The following LGSN variants were observed in gnomAD, a reference collection of about 807,000 sequenced individuals.
LGSN encodes lengsin, lens protein with glutamine synthetase domain, also known as lengsin.
LGSN carries 21 observed loss-of-function variants against 19.5 expected under a neutral mutation model. The observed-to-expected ratio is 1.07, with a 90% CI of 0.76 to 1.55. LGSN has a LOEUF of 1.55. LGSN is among the 40% of genes most tolerant of loss of function. The pLI is 0.00. For synonymous variants in LGSN, 257 were observed against 215.6 expected (o/e 1.19, Z -1.68); for missense variants, 673 against 608.5 (o/e 1.11, Z -1.12).
chr6:63,295,223 C>T (rs868445432), intron 1 of LGSN, among the ~76,000 whole-genome samples, 178 bp from the exon 2 acceptor site: 1 of 152,128 alleles, frequency 6.6e-6, no homozygotes, highest in Non-Finnish European at 1.5e-5. Context: ...AAAAGCCCAG[C>T]GTTGTGCTGA....
the LGSN span, among the ~76,000 whole-genome samples, chr6:63,389,866 C>G: frequency 6.6e-6 from 1 of 151,874 alleles, no homozygotes; most frequent in African/African-American, 2.4e-5. Flanking sequence ...AGTCATTGTG[C>G]TCCAGACATT....
the LGSN span, among the ~76,000 whole-genome samples, chr6:63,507,535 C>G: frequency 0.54 from 81,398 of 151,868 alleles, 23,630 homozygotes; most frequent in African/African-American, 0.77. Flanking sequence ...GCATAGTCAC[C>G]TGGTGTTCCA....
chr6:63,299,720 G>C (rs1000975492), intron 1 of LGSN, among the ~76,000 whole-genome samples: 1 of 152,136 alleles, frequency 6.6e-6, no homozygotes, highest in African/African-American at 2.4e-5. Context: ...ATGTGTATCA[G>C]ATATTTCTTT....
the LGSN span, among the ~76,000 whole-genome samples, chr6:63,509,485 T>G: frequency 6.6e-6 from 1 of 152,176 alleles, no homozygotes; most frequent in Non-Finnish European, 1.5e-5. Context: ...GGTGTGCGCA[T>G]GTTGTATATT....
At chr6:63,464,892 G>A in the LGSN span, among the ~76,000 whole-genome samples, 1 of 151,738 alleles carries the variant, frequency 6.6e-6, no homozygotes, top group Non-Finnish European at 1.5e-5. Flanking sequence ...TAGGCATGGT[G>A]GTGGGTGCCT....
chr6:63,383,467 C>T, the LGSN span, among the ~76,000 whole-genome samples: 2 of 151,870 alleles, frequency 1.3e-5, no homozygotes, highest in Non-Finnish European at 2.9e-5. Flanking sequence ...GATAAGAATA[C>T]ACCAGAACAG....
chr6:63,296,837 C>T (rs997627240), intron 1 of LGSN, among the ~76,000 whole-genome samples: 1 of 152,060 alleles, frequency 6.6e-6, no homozygotes, highest in African/African-American at 2.4e-5. Context: ...TAACTTGCCC[C>T]AGGCCACAAG....
chr6:63,351,341 A>G, the LGSN span, among the ~76,000 whole-genome samples: 6 of 152,042 alleles, frequency 3.9e-5, no homozygotes, highest in Non-Finnish European at 8.8e-5. Context: ...AAAAGGAAGG[A>G]AAAAAAGCAG....
At chr6:63,543,241 A>G in the LGSN span, among the ~76,000 whole-genome samples, 1 of 152,148 alleles carries the variant, frequency 6.6e-6, no homozygotes, top group South Asian at 2.1e-4. Flanking sequence ...ATCCCAGGAA[A>G]CCCCTCAGTC....
chr6:63,448,201 A>G, the LGSN span, among the ~76,000 whole-genome samples: 15 of 152,330 alleles, frequency 9.8e-5, no homozygotes, highest in East Asian at 1.9e-3. Context: ...CTATCTCACT[A>G]TGTTATTTTA....
chr6:63,406,016 G>T, the LGSN span, among the ~76,000 whole-genome samples: 1 of 152,158 alleles, frequency 6.6e-6, no homozygotes, highest in Non-Finnish European at 1.5e-5. Flanking sequence ...GGAGCACCCA[G>T]ATTCATAAAG....
the LGSN span, among the ~76,000 whole-genome samples, chr6:63,470,933 C>CTTTTTTTT: frequency 1.2e-4 from 9 of 73,062 alleles, no homozygotes; most frequent in South Asian, 6.3e-4. Flanking sequence ...TTCAGTCTTT[C>CTTTTTTTT]TTTTTTTTTT....
At chr6:63,551,551 T>C in the LGSN span, among the ~76,000 whole-genome samples, 2 of 152,236 alleles carry the variant, frequency 1.3e-5, no homozygotes, top group African/African-American at 4.8e-5. Context: ...TTTTTTTTAA[T>C]TATACTTTAA....
At chr6:63,329,621 C>T in the LGSN span, among the ~76,000 whole-genome samples, 2 of 152,130 alleles carry the variant, frequency 1.3e-5, no homozygotes, top group Non-Finnish European at 2.9e-5. Context: ...ATCTTTTAAC[C>T]TGATTTGGAC....
chr6:63,337,087 C>T, the LGSN span, among the ~76,000 whole-genome samples: 1 of 151,544 alleles, frequency 6.6e-6, no homozygotes, highest in African/African-American at 2.4e-5. Flanking sequence ...CCATGCCTGG[C>T]TAATTTTTTG....
the LGSN span, among the ~76,000 whole-genome samples, chr6:63,562,774 T>C: frequency 6.6e-6 from 1 of 152,256 alleles, no homozygotes; most frequent in Non-Finnish European, 1.5e-5. Context: ...TGCTATATTC[T>C]CAAAACCCTC....
the LGSN span, among the ~76,000 whole-genome samples, chr6:63,475,599 T>A: frequency 3.3e-5 from 5 of 152,200 alleles, no homozygotes; most frequent in Admixed American, 6.5e-5. Context: ...GTATTCGAAA[T>A]AAGGCTTGAA....
At chr6:63,318,989 A>C (rs1265107989) in intron 1 of LGSN, among the ~76,000 whole-genome samples, 1 of 152,202 alleles carries the variant, frequency 6.6e-6, no homozygotes, top group Non-Finnish European at 1.5e-5. Context: ...CAACAGTGAC[A>C]TGACAGTACA....
At chr6:63,509,081 T>G in the LGSN span, among the ~76,000 whole-genome samples, 1 of 151,654 alleles carries the variant, frequency 6.6e-6, no homozygotes, top group Non-Finnish European at 1.5e-5. Flanking sequence ...TTCTTTTTTT[T>G]TTTGAGTCAG....
Sources: allele counts gnomAD v4.1 joint callset (sites outside exome capture counted in the v4.1 genomes callset), GRCh38; gene constraint gnomAD v4.1.1; transcripts MANE v1.5; gene names NCBI Gene and HGNC (gene_info 2026-07-23, HGNC 2026-07-21).